INTS4: variants seen among roughly 807,000 people sequenced by gnomAD.
INTS4 encodes MSTP093.
In INTS4, 70 loss-of-function variants were observed where a neutral mutation model predicts 119.5. The observed-to-expected ratio is 0.59, with a 90% CI of 0.48 to 0.71. The LOEUF is 0.71. Ranked by LOEUF, INTS4 falls within the 30% of genes least tolerant of loss-of-function variation. The pLI, the probability that INTS4 is intolerant of heterozygous loss-of-function variation, is 0.00. For missense variants in INTS4, 867 were observed against 1,173.2 expected (o/e 0.74, Z 3.81); for synonymous variants, 316 against 419.6 (o/e 0.75, Z 3.02).
At chr11:77,961,178 A>G in intron 4 of INTS4, 40 bp from the exon 5 acceptor site, 1 of 1,515,698 alleles carries the variant, frequency 6.6e-7, no homozygotes, top group Non-Finnish European at 8.8e-7. Flanking sequence ...AGAAAAAGAA[A>G]AAAAGGACAT....
chr11:77,917,330 T>C, intron 15 of INTS4, among the ~76,000 whole-genome samples: 1 of 151,830 alleles, frequency 6.6e-6, no homozygotes, highest in Admixed American at 6.6e-5. Flanking sequence ...TTTTTTTTTT[T>C]TGAGATGGAG....
intron 16 of INTS4, among the ~76,000 whole-genome samples, chr11:77,905,417 G>A (rs1446290523): frequency 3.3e-5 from 5 of 151,114 alleles, no homozygotes; most frequent in Non-Finnish European, 5.9e-5. Context: ...CCGAGATCAC[G>A]CCACTGTATT....
intron 16 of INTS4, among the ~76,000 whole-genome samples, chr11:77,904,688 G>GT (rs1350708406): frequency 6.6e-6 from 1 of 152,170 alleles, no homozygotes; most frequent in Non-Finnish European, 1.5e-5. Flanking sequence ...TTGTATGCAT[G>GT]TTTTTTGACA....
At chr11:77,956,920 T>C (rs1337468512) in intron 7 of INTS4, among the ~76,000 whole-genome samples, 1 of 152,062 alleles carries the variant, frequency 6.6e-6, no homozygotes, top group Non-Finnish European at 1.5e-5. Context: ...AAACCAACTC[T>C]TTCAGTTGCA....
intron 8 of INTS4, among the ~76,000 whole-genome samples, chr11:77,946,424 C>T (rs940173136): frequency 7.2e-5 from 11 of 152,146 alleles, no homozygotes; most frequent in Non-Finnish European, 1.0e-4. Flanking sequence ...ATCTTACACA[C>T]GATAAATGAA....
chr11:77,918,463 G>A (rs1953260999), intron 15 of INTS4: 1 of 282,760 alleles, frequency 3.5e-6, no homozygotes, highest in Non-Finnish European at 6.7e-6. Context: ...ATCCCTGATG[G>A]TCATCTCAGC....
intron 4 of INTS4, chr11:77,977,750 T>C (rs1169383657): frequency 6.6e-5 from 10 of 151,530 alleles, no homozygotes; most frequent in African/African-American, 2.4e-4. Context: ...AAACAGTTAC[T>C]GCAGATATCA....
At chr11:77,921,277 T>C (rs1953354402) in intron 14 of INTS4, 63 bp downstream of exon 14, 6 of 1,553,878 alleles carry the variant, frequency 3.9e-6, no homozygotes, top group Non-Finnish European at 5.3e-6. Flanking sequence ...AAGGAAAACA[T>C]GAACAAAAAT....
intron 4 of INTS4, among the ~76,000 whole-genome samples, chr11:77,968,184 C>T (rs766101621): frequency 6.6e-6 from 1 of 152,054 alleles, no homozygotes; most frequent in Non-Finnish European, 1.5e-5. Flanking sequence ...CCATCCTTGA[C>T]TGAAATGTCA....
At chr11:77,878,533 C>T (rs530787260), downstream of INTS4, among the ~76,000 whole-genome samples, 6 of 152,112 alleles carry the variant, frequency 3.9e-5, no homozygotes, top group South Asian at 4.2e-4. Flanking sequence ...GCTGTTAAAG[C>T]GGCCTTGGAG....
chr11:77,910,882 C>G (rs1011669496), intron 15 of INTS4: 2 of 575,758 alleles, frequency 3.5e-6, no homozygotes, highest in African/African-American at 3.9e-5. Context: ...TGTGTATTAC[C>G]TAACCATCTC....
At chr11:77,953,094 C>T (rs1954234242) in intron 8 of INTS4, among the ~76,000 whole-genome samples, 1 of 152,188 alleles carries the variant, frequency 6.6e-6, no homozygotes, top group Admixed American at 6.5e-5. Flanking sequence ...TCATCCATTA[C>T]TATATCTCAT....
chr11:77,919,738 A>G (rs562652647), intron 14 of INTS4, among the ~76,000 whole-genome samples: 4 of 152,212 alleles, frequency 2.6e-5, no homozygotes, highest in African/African-American at 9.6e-5. Context: ...CTTACTGTTA[A>G]AAGTGGTTAC....
intron 17 of INTS4, 147 bp downstream of exon 17, chr11:77,903,393 G>A: frequency 6.2e-7 from 1 of 1,601,658 alleles, no homozygotes; most frequent in Admixed American, 1.7e-5. Context: ...AAATCACTCT[G>A]CTTCAAATAC....
intron 15 of INTS4, among the ~76,000 whole-genome samples, chr11:77,910,581 T>G (rs2136460127): frequency 6.6e-6 from 1 of 152,062 alleles, no homozygotes; most frequent in East Asian, 1.9e-4. Context: ...ACCCTAAAAC[T>G]TAAAGTATAA....
chr11:77,961,194 A>G, intron 4 of INTS4, 56 bp from the exon 5 acceptor site: 3 of 1,475,180 alleles, frequency 2.0e-6, no homozygotes, highest in Non-Finnish European at 2.7e-6. Context: ...GACATGATTA[A>G]GATATCTTAA....
chr11:77,901,315 C>G, intron 18 of INTS4, 106 bp downstream of exon 18: 1 of 1,209,204 alleles, frequency 8.3e-7, no homozygotes, highest in Admixed American at 1.8e-5. Flanking sequence ...GCTAGTCTTT[C>G]CTAAATTTCA....
intron 21 of INTS4, among the ~76,000 whole-genome samples, chr11:77,884,362 A>G (rs1175266996): frequency 1.3e-5 from 2 of 152,166 alleles, no homozygotes; most frequent in Non-Finnish European, 1.5e-5. Flanking sequence ...TTTCCACTAC[A>G]TTGCAAGCAG....
Position 77,942,180 on chromosome 11 carries a change from T to C in INTS4, c.919-929A>G, listed in dbSNP as rs1006320535. Among the ~76,000 whole-genome samples, 95 of 152,270 alleles carry C rather than the reference T, an allele frequency of 6.2e-4. 2 individuals are homozygous for C. Among genetic ancestry groups the C allele is most frequent in the African/African-American group, 2.3e-3 (94 of 41,544 alleles). ...CTGTACACTCAACAATCTCACAGAC[T>C]AGTAAGGGAAACTGACAAGAAAAGA... is the stretch of plus-strand genomic sequence containing the variant. On this transcript the variant is annotated intron_variant, in intron 8 of 22. Coordinates refer to ENST00000534064, the MANE Select transcript of INTS4 (RefSeq NM_033547.4).
Sources: allele counts gnomAD v4.1 joint callset (sites outside exome capture counted in the v4.1 genomes callset), GRCh38; gene constraint gnomAD v4.1.1; transcripts MANE v1.5; gene names NCBI Gene and HGNC (gene_info 2026-07-23, HGNC 2026-07-21).